The following ABCA10 variants were observed in gnomAD, a reference collection of about 807,000 sequenced individuals.
ABCA10 encodes ATP binding cassette subfamily A member 10.
A neutral mutation model predicts 187.5 loss-of-function variants in ABCA10; 169 were observed. That is an observed-to-expected ratio of 0.90 (90% CI 0.80 to 1.02). The LOEUF (loss-of-function observed/expected upper bound fraction) is 1.02. ABCA10 is among the 50% of genes least tolerant of loss of function. The probability of loss-of-function intolerance (pLI) is 0.00; values close to 1 mark genes in which losing one functional copy is unlikely to be tolerated. For missense variants in ABCA10, 1,727 were observed against 1,812.4 expected (o/e 0.95, Z 0.86); for synonymous variants, 574 against 601.8 (o/e 0.95, Z 0.68).
chr17:69,180,201 A>G (rs2074368884), intron 22 of ABCA10, among the ~76,000 whole-genome samples: 2 of 152,312 alleles, frequency 1.3e-5, no homozygotes, highest in African/African-American at 4.8e-5. Context: ...TGCAGTTCCC[A>G]TCTTGCAGAA....
upstream of ABCA10, among the ~76,000 whole-genome samples, chr17:69,229,715 TTTAA>T (rs564819229): frequency 3.7e-3 from 555 of 152,006 alleles, 3 homozygotes; most frequent in Non-Finnish European, 7.1e-3. Flanking sequence ...GGAAGCATAC[TTTAA>T]TTGCTTTCCT....
chr17:69,178,000 T>C (rs1463374112), intron 22 of ABCA10, among the ~76,000 whole-genome samples: 1 of 138,792 alleles, frequency 7.2e-6, no homozygotes, highest in Non-Finnish European at 1.6e-5. Flanking sequence ...ATGTTATATA[T>C]ATATATAGTG....
intron 21 of ABCA10, 94 bp from the exon 22 acceptor site, chr17:69,182,384 G>A: frequency 1.8e-6 from 2 of 1,098,494 alleles, no homozygotes; most frequent in Non-Finnish European, 2.4e-6. Flanking sequence ...ATTAGAATGA[G>A]AAGGAGACTA....
intron 29 of ABCA10, among the ~76,000 whole-genome samples, chr17:69,155,442 C>A (rs970322967): frequency 6.6e-6 from 1 of 152,122 alleles, no homozygotes; most frequent in Non-Finnish European, 1.5e-5. Context: ...ATTGTAAATT[C>A]ATTTGCTCTT....
chr17:69,155,905 T>C lies in ABCA10; in HGVS notation c.3476A>G (p.Glu1159Gly), dbSNP rs367958193. The change falls in exon 29 of 39, where the codon GAA becomes GGA. Residue 1159 changes from glutamate (E) to glycine (G), a missense_variant. Glu to Gly is a moderately conservative substitution (Grantham distance 98). Coordinates refer to ENST00000690296, the MANE Select transcript of ABCA10 (RefSeq NM_001377321.1). The part of the protein sequence containing the change: ...PVFRISPRSR[E>G]THPNPEEPEE... ...GGGCTCTTCCGGATTGGGATGAGTT[T>C]CTCTACTCCGTGGAGAGATTCTACA... 1 of 1,613,592 alleles carries C rather than the reference T, an allele frequency of 6.2e-7. No individual in the cohort carries two copies. The highest frequency in any genetic ancestry group is 8.5e-7 in the Non-Finnish European group (1 of 1,179,678).
rs2074146481 is a variant in ABCA10, at chr17:69,153,457, A to G, written c.4041+14T>C. On this transcript the variant is annotated intron_variant, in intron 33 of 38. Coordinates refer to ENST00000690296, the MANE Select transcript of ABCA10 (RefSeq NM_001377321.1). ...GCCATGGGTGCACAGGGAAACCCCG[A>G]GCCTGGCCCATACCTTTCTCTTTAT... 6.2e-7 allele frequency: 1 copy of G among 1,614,082 alleles called. No homozygotes were observed. Among genetic ancestry groups the G allele is most frequent in the Non-Finnish European group, 8.5e-7 (1 of 1,179,980 alleles).
At chr17:69,244,681 C>A (rs1216505147) in exon 1 of ABCA10, 1 of 151,138 alleles carries the variant, frequency 6.6e-6, no homozygotes, top group African/African-American at 2.4e-5. Context: ...AAAATTAATG[C>A]CTATTTACAT....
At position 69,215,838 on chromosome 17, in the gene ABCA10, CA is replaced by C. The variant is rs2074699286; in HGVS notation, c.834del (p.Phe278LeufsTer17). 2 of 1,592,704 alleles carry C rather than the reference CA, an allele frequency of 1.3e-6. No homozygotes were observed. Among genetic ancestry groups the C allele is most frequent in the East Asian group, 2.3e-5 (1 of 44,214 alleles). On this transcript the variant is annotated frameshift_variant, in exon 8 of 39. Coordinates refer to ENST00000690296, the MANE Select transcript of ABCA10 (RefSeq NM_001377321.1). LOFTEE classifies it high-confidence loss of function. ...LGWVLSLLSP[F>X]AFTAGMAQIT... is the part of the protein sequence containing the mutation. ...ACCTGGGCCATTCCAGCAGTGAAGG[CA>C]AAAGGGCTAAGAAGACTTAATACCC...
chr17:69,167,489 A>G (rs376362170), intron 25 of ABCA10, among the ~76,000 whole-genome samples: 1 of 152,222 alleles, frequency 6.6e-6, no homozygotes, highest in Non-Finnish European at 1.5e-5. Context: ...AGGATTTACA[A>G]TAGAACTAAA....
At chr17:69,174,887 G>A (rs1217643959) in intron 23 of ABCA10, 110 bp from the exon 24 acceptor site, 6 of 948,234 alleles carry the variant, frequency 6.3e-6, no homozygotes, top group Non-Finnish European at 7.2e-6. Flanking sequence ...TATAGTGTCT[G>A]TGTGACAAAA....
Position 69,152,425 on chromosome 17 carries a change from T to C in ABCA10, c.4193A>G (p.His1398Arg). The C allele has an allele frequency of 6.2e-7, 1 of 1,613,964 alleles. No individual in the cohort carries two copies. Among genetic ancestry groups the C allele is most frequent in the Non-Finnish European group, 8.5e-7 (1 of 1,179,916 alleles). Residue 1398 changes from histidine to arginine, a missense_variant, in exon 35 of 39, where the codon CAT becomes CGT. His to Arg is a conservative substitution (Grantham distance 29). Transcript: ENST00000690296. ...NKERGTLLTT[H>R]YMSEAEAVCD... The stretch of plus-strand genomic sequence containing the variant: ...CACAGCCTCAGCCTCTGACATGTAA[T>C]GGGTGGTCAAGAGGGTGCCCCTCTC...
intron 25 of ABCA10, among the ~76,000 whole-genome samples, chr17:69,165,696 T>C (rs1032622741): frequency 2.0e-5 from 3 of 152,148 alleles, no homozygotes; most frequent in Non-Finnish European, 2.9e-5. Flanking sequence ...CCAAAGAGTA[T>C]ATACAGTTAA....
At chr17:69,161,362 TA>T (rs1301072702) in intron 27 of ABCA10, among the ~76,000 whole-genome samples, 1 of 152,210 alleles carries the variant, frequency 6.6e-6, no homozygotes, top group African/African-American at 2.4e-5. Flanking sequence ...CTGAACTATA[TA>T]TTTAAAAATC....
intron 9 of ABCA10, among the ~76,000 whole-genome samples, chr17:69,210,551 T>A (rs530092397): frequency 1.3e-5 from 2 of 151,796 alleles, no homozygotes; most frequent in South Asian, 2.1e-4. Context: ...CTGCATCCAA[T>A]GTGTAGTCTT....
upstream of ABCA10, among the ~76,000 whole-genome samples, chr17:69,232,477 G>T (rs1472461989): frequency 6.6e-6 from 1 of 151,900 alleles, no homozygotes; most frequent in East Asian, 1.9e-4. Flanking sequence ...AACTTTGATA[G>T]CAAAGGAAAA....
chr17:69,201,604 T>C lies in ABCA10; in HGVS notation c.1071A>G (p.Gln357=), dbSNP rs1038039686. The C allele has an allele frequency of 6.8e-6, 11 of 1,612,614 alleles. No individual in the cohort carries two copies. The highest frequency in any genetic ancestry group is 1.7e-5 in the Admixed American group (1 of 59,742). ...TCTCAAAGATTTCATGATGAGTATT[T>C]TGATGTTTGGACCAAAATGAGGACT... ...FLKSSFWSKH[Q]NTHHEIFENE... Residue 357 remains glutamine, a synonymous_variant, in exon 10 of 39, where the codon CAA becomes CAG. Coordinates refer to ENST00000690296, the MANE Select transcript of ABCA10 (RefSeq NM_001377321.1).
chr17:69,197,271 C>CAG, intron 10 of ABCA10, 149 bp from the exon 11 acceptor site: 1 of 564,602 alleles, frequency 1.8e-6, no homozygotes, highest in South Asian at 2.8e-5. Flanking sequence ...CCTCCCCTGA[C>CAG]CACTCCCAAA....
intron 29 of ABCA10, 150 bp from the exon 30 acceptor site, chr17:69,155,286 A>T: frequency 1.7e-6 from 1 of 589,166 alleles, no homozygotes. Flanking sequence ...AAAATACCCA[A>T]ATGTATGTTC....
chr17:69,226,069 T>A (rs2074791013), intron 2 of ABCA10, among the ~76,000 whole-genome samples: 1 of 152,094 alleles, frequency 6.6e-6, no homozygotes, highest in Non-Finnish European at 1.5e-5. Flanking sequence ...GAAAATTGAA[T>A]TTGGCCATGG....
Sources: allele counts gnomAD v4.1 joint callset (sites outside exome capture counted in the v4.1 genomes callset), GRCh38; gene constraint gnomAD v4.1.1; transcripts MANE v1.5; gene names NCBI Gene and HGNC (gene_info 2026-07-23, HGNC 2026-07-21).